The following AK5 variants were observed in gnomAD, a reference collection of about 807,000 sequenced individuals.
AK5 encodes the protein adenylate kinase isoenzyme 5.
AK5 carries 27 observed loss-of-function variants against 69.5 expected under a neutral mutation model. The ratio of observed to expected loss-of-function variants is 0.39; its 90% CI spans 0.29 to 0.54. The LOEUF (loss-of-function observed/expected upper bound fraction) is 0.54. Ranked by LOEUF, AK5 falls within the 20% of genes least tolerant of loss-of-function variation. The pLI, the probability that AK5 is intolerant of heterozygous loss-of-function variation, is 0.71. For synonymous variants in AK5, 260 were observed against 244.4 expected (o/e 1.06, Z -0.60); for missense variants, 531 against 700.4 (o/e 0.76, Z 2.73).
intron 5 of AK5, chr1:77,314,093 A>G: frequency 5.9e-6 from 2 of 341,116 alleles, no homozygotes; most frequent in East Asian, 1.5e-4. Context: ...CTGAACCCAT[A>G]TATGTTAATA....
intron 8 of AK5, among the ~76,000 whole-genome samples, chr1:77,482,251 A>T (rs112520635): frequency 1.4e-3 from 220 of 152,326 alleles, no homozygotes; most frequent in African/African-American, 5.1e-3. Flanking sequence ...GAAATGATAC[A>T]GGTGAAGACA....
intron 8 of AK5, among the ~76,000 whole-genome samples, chr1:77,434,584 A>T (rs1424410858): frequency 6.6e-6 from 1 of 152,216 alleles, no homozygotes. Context: ...AGTTCCATGG[A>T]TATAAAACAA....
chr1:77,458,534 A>T (rs558421432), intron 8 of AK5, among the ~76,000 whole-genome samples: 42 of 152,358 alleles, frequency 2.8e-4, no homozygotes, highest in African/African-American at 9.9e-4. Flanking sequence ...TCACAGCTCC[A>T]CATTACTGGG....
At chr1:77,542,581 A>C (rs1200065297) in intron 13 of AK5, among the ~76,000 whole-genome samples, 1 of 152,216 alleles carries the variant, frequency 6.6e-6, no homozygotes, top group African/African-American at 2.4e-5. Context: ...AGAAATAGCT[A>C]TCTCAAGTGG....
intron 12 of AK5, among the ~76,000 whole-genome samples, chr1:77,533,668 C>T (rs981493661): frequency 3.3e-5 from 5 of 152,084 alleles, no homozygotes; most frequent in Admixed American, 6.6e-5. Context: ...CTCTCTGCCC[C>T]GTGCTTATTT....
intron 8 of AK5, among the ~76,000 whole-genome samples, chr1:77,422,696 T>C (rs1650897076): frequency 6.6e-6 from 1 of 152,170 alleles, no homozygotes; most frequent in African/African-American, 2.4e-5. Context: ...TGATACTCTG[T>C]GTTGTAATAT....
chr1:77,395,180 T>G (rs966154334), intron 6 of AK5, among the ~76,000 whole-genome samples: 3 of 152,182 alleles, frequency 2.0e-5, no homozygotes, highest in Non-Finnish European at 4.4e-5. Flanking sequence ...CTGCAAAATG[T>G]GATAAACTTT....
chr1:77,342,744 T>A (rs1661719376), intron 6 of AK5, among the ~76,000 whole-genome samples: 1 of 152,122 alleles, frequency 6.6e-6, no homozygotes, highest in African/African-American at 2.4e-5. Context: ...ATAAAAATGA[T>A]CATTTGTATT....
intron 12 of AK5, among the ~76,000 whole-genome samples, chr1:77,533,590 A>G (rs1658786746): frequency 2.6e-5 from 4 of 151,682 alleles, no homozygotes; most frequent in Admixed American, 1.3e-4. Context: ...ATTTCTAACA[A>G]GCTTCCAAAT....
At chr1:77,366,505 ATT>A (rs1646952192) in intron 6 of AK5, among the ~76,000 whole-genome samples, 1 of 152,152 alleles carries the variant, frequency 6.6e-6, no homozygotes, top group South Asian at 2.1e-4. Flanking sequence ...TAGATCCAGA[ATT>A]TGTTTCATCC....
chr1:77,296,093 G>A (rs551058729), intron 3 of AK5, among the ~76,000 whole-genome samples: 4 of 152,256 alleles, frequency 2.6e-5, no homozygotes, highest in Non-Finnish European at 4.4e-5. Flanking sequence ...AGAGAATTGG[G>A]ACAATTTTAT....
intron 6 of AK5, among the ~76,000 whole-genome samples, chr1:77,360,155 G>T (rs1646837833): frequency 1.3e-5 from 2 of 152,186 alleles, no homozygotes; most frequent in Admixed American, 1.3e-4. Context: ...TTGGTGAATA[G>T]ATTAGAGTTG....
intron 11 of AK5, among the ~76,000 whole-genome samples, chr1:77,521,276 G>A (rs771332882): frequency 6.6e-6 from 1 of 152,020 alleles, no homozygotes; most frequent in Non-Finnish European, 1.5e-5. Flanking sequence ...TGGGATTACA[G>A]GTGCCCACGG....
chr1:77,464,009 A>T (rs570235278), intron 8 of AK5, among the ~76,000 whole-genome samples: 1 of 152,340 alleles, frequency 6.6e-6, no homozygotes, highest in East Asian at 1.9e-4. Flanking sequence ...TCTGCCTTCT[A>T]TGTTCAAGGC....
At chr1:77,362,672 T>C (rs1250202232) in intron 6 of AK5, among the ~76,000 whole-genome samples, 1 of 152,140 alleles carries the variant, frequency 6.6e-6, no homozygotes, top group Non-Finnish European at 1.5e-5. Context: ...ATAGAAATAA[T>C]CATCAAACAA....
intron 8 of AK5, among the ~76,000 whole-genome samples, chr1:77,423,889 A>C (rs1651016638): frequency 6.6e-6 from 1 of 152,166 alleles, no homozygotes; most frequent in Non-Finnish European, 1.5e-5. Context: ...GCCTGCCCTC[A>C]GAAGAAACTA....
At chr1:77,394,073 G>T (rs540071160) in intron 6 of AK5, among the ~76,000 whole-genome samples, 1 of 151,996 alleles carries the variant, frequency 6.6e-6, no homozygotes, top group South Asian at 2.1e-4. Context: ...AAATTAACTG[G>T]CTGTGGTGAC....
chr1:77,283,837 T>G (rs1304739760), intron 1 of AK5, among the ~76,000 whole-genome samples: 2 of 152,230 alleles, frequency 1.3e-5, no homozygotes, highest in Admixed American at 6.5e-5. Context: ...TATATTTCAT[T>G]TCTACGCTTC....
At chr1:77,326,457 A>T (rs959835759) in intron 5 of AK5, among the ~76,000 whole-genome samples, 15 of 151,276 alleles carry the variant, frequency 9.9e-5, no homozygotes, top group African/African-American at 2.4e-4. Context: ...TTTTTTTTTT[A>T]AAGTACTTTC....
Sources: allele counts gnomAD v4.1 joint callset (sites outside exome capture counted in the v4.1 genomes callset), GRCh38; gene constraint gnomAD v4.1.1; transcripts MANE v1.5; gene names NCBI Gene and HGNC (gene_info 2026-07-23, HGNC 2026-07-21).